Variants in LONP2 observed in about 807,000 individuals in gnomAD.
LONP2 encodes lon protease homolog 2, peroxisomal.
Under a neutral mutation model 85.6 loss-of-function variants are expected in LONP2, and 60 were observed. The observed-to-expected ratio is 0.70, with a 90% CI of 0.57 to 0.87. The LOEUF is 0.87. Ranked by LOEUF, LONP2 falls within the 40% of genes least tolerant of loss-of-function variation. The pLI, the probability that LONP2 is intolerant of heterozygous loss-of-function variation, is 0.00. For missense variants in LONP2, 860 were observed against 1,063.5 expected (o/e 0.81, Z 2.66); for synonymous variants, 395 against 389.7 (o/e 1.01, Z -0.16).
chr16:48,245,923 T>C (rs1276367226), intron 1 of LONP2, among the ~76,000 whole-genome samples: 1 of 152,146 alleles, frequency 6.6e-6, no homozygotes, highest in African/African-American at 2.4e-5. Context: ...GGAGGTGTTG[T>C]GTTTTCAGTT....
chr16:48,296,020 GGATCCT>G lies in LONP2; in HGVS notation c.1392_1397del (p.Asp464_Pro465del). On this transcript the variant is annotated inframe_deletion, in exon 9 of 15. Transcript: ENST00000285737. ...TGTTTTTTGTTCTCCCCTAGGTGTT[GGATCCT>G]GAACAAAACCATAACTTCACAGATC... 1 of 1,613,978 alleles carries G rather than the reference GGATCCT, an allele frequency of 6.2e-7. No individual in the cohort carries two copies. The highest frequency in any genetic ancestry group is 8.5e-7 in the Non-Finnish European group (1 of 1,179,974).
Position 48,259,761 on chromosome 16 carries a change from G to A in LONP2, c.723+1021G>A, listed in dbSNP as rs1971837645. On this transcript the variant is annotated intron_variant, in intron 4 of 14. Coordinates refer to ENST00000285737, the MANE Select transcript of LONP2 (RefSeq NM_031490.5). ...GATTAGTACTCCAGGACACCATGCT[G>A]TTTAAAACATGCAGAAAGCTGGATT... 2.0e-5 allele frequency among the ~76,000 whole-genome samples: 3 copies of A among 152,154 alleles called. No homozygotes were observed. In the South Asian group the frequency reaches 6.2e-4, roughly 32 times the overall value.
At chr16:48,312,206 G>A (rs1488790887) in intron 11 of LONP2, among the ~76,000 whole-genome samples, 2 of 152,148 alleles carry the variant, frequency 1.3e-5, no homozygotes, top group Non-Finnish European at 2.9e-5. Context: ...GCTTCCTAAA[G>A]TGCTAGGATT....
chr16:48,348,641 C>T (rs1002603322), intron 14 of LONP2, among the ~76,000 whole-genome samples: 3 of 151,896 alleles, frequency 2.0e-5, no homozygotes, highest in Non-Finnish European at 2.9e-5. Flanking sequence ...TATAGGAGCA[C>T]GCCACCATGC....
intron 11 of LONP2, among the ~76,000 whole-genome samples, chr16:48,320,715 C>A (rs746138094): frequency 6.6e-6 from 1 of 152,062 alleles, no homozygotes; most frequent in Non-Finnish European, 1.5e-5. Context: ...TTTTCTGAGT[C>A]TGACATTTAC....
At chr16:48,295,458 T>G (rs1972649309) in intron 8 of LONP2, among the ~76,000 whole-genome samples, 1 of 152,232 alleles carries the variant, frequency 6.6e-6, no homozygotes, top group Non-Finnish European at 1.5e-5. Flanking sequence ...TTTTTTGCTG[T>G]ATCAGAATAT....
intron 11 of LONP2, among the ~76,000 whole-genome samples, chr16:48,330,978 T>C (rs1959422293): frequency 6.6e-6 from 1 of 152,212 alleles, no homozygotes; most frequent in South Asian, 2.1e-4. Flanking sequence ...GGTTATGTAA[T>C]TGTGGGTTGG....
At chr16:48,258,253 A>C (rs979346236) in intron 3 of LONP2, among the ~76,000 whole-genome samples, 2 of 151,434 alleles carry the variant, frequency 1.3e-5, no homozygotes, top group Non-Finnish European at 2.9e-5. Flanking sequence ...AGGCTGAGGC[A>C]GGAGAATGAC....
chr16:48,252,894 G>A (rs892031771), intron 2 of LONP2, among the ~76,000 whole-genome samples: 1 of 152,000 alleles, frequency 6.6e-6, no homozygotes, highest in Non-Finnish European at 1.5e-5. Flanking sequence ...GTTCTTTTTG[G>A]TTAACTCTAG....
chr16:48,299,592 A>AG, intron 9 of LONP2, 70 bp from the exon 10 acceptor site: 1 of 1,541,142 alleles, frequency 6.5e-7, no homozygotes, highest in East Asian at 2.3e-5. Context: ...TAAAAAAAAA[A>AG]ACAAAAAACA....
At chr16:48,278,131 T>C (rs1187779845) in intron 8 of LONP2, among the ~76,000 whole-genome samples, 1 of 152,180 alleles carries the variant, frequency 6.6e-6, no homozygotes, top group Non-Finnish European at 1.5e-5. Context: ...CATGGTAAAC[T>C]GTGATCACTT....
chr16:48,346,137 C>A (rs1191404765), intron 12 of LONP2: 1 of 151,494 alleles, frequency 6.6e-6, no homozygotes, highest in African/African-American at 2.4e-5. Flanking sequence ...TCAGGAATTT[C>A]ATTGTCCAAG....
rs777782111 is a variant in LONP2 at position 48,357,334 on chromosome 16, G to C, written c.*5532G>C. On this transcript the variant is annotated 3_prime_UTR_variant, in exon 15 of 15. Transcript: ENST00000285737. ...TGGATGGTGCCATTTTTAGATAAAC[G>C]TACGTTTCTTTTGGTAAATTCAGGT... 2 of 152,168 alleles carry C rather than the reference G, an allele frequency of 1.3e-5. No homozygotes were observed. The highest frequency in any genetic ancestry group is 2.9e-5 in the Non-Finnish European group (2 of 68,040). 9.4% of individuals were successfully genotyped at this position (152,168 alleles called of 1,614,324 possible).
intron 7 of LONP2, among the ~76,000 whole-genome samples, chr16:48,272,521 A>T (rs753338901): frequency 6.6e-6 from 1 of 152,290 alleles, no homozygotes; most frequent in South Asian, 2.1e-4. Flanking sequence ...GTCTGAAGAA[A>T]ATAAGAATTG....
rs775228204 is a variant in LONP2, at chr16:48,252,363, C to G, written c.466C>G (p.Gln156Glu). The G allele has an allele frequency of 1.3e-6, 2 of 1,561,394 alleles. No individual in the cohort carries two copies. Among genetic ancestry groups the G allele is most frequent in the Non-Finnish European group, 1.7e-6 (2 of 1,153,246 alleles). ...AGAGCAGTTTTACAAATATGCAGTA[C>G]AAGTAAGTTGCTTTTATTTTTTCTT... is the stretch of plus-strand genomic sequence containing the variant. Reference protein sequence around the residue: ...LSEQFYKYAVQLVEMLDMSVP... With the variant: ...LSEQFYKYAVELVEMLDMSVP... The change falls in exon 2 of 15, where the codon CAA (glutamine) becomes GAA (glutamate). Residue 156 changes from glutamine to glutamate, a missense_variant and splice_region_variant. Coordinates refer to ENST00000285737, the MANE Select transcript of LONP2 (RefSeq NM_031490.5).
At chr16:48,302,756 A>G (rs1300895210) in intron 10 of LONP2, among the ~76,000 whole-genome samples, 3 of 152,234 alleles carry the variant, frequency 2.0e-5, no homozygotes, top group Non-Finnish European at 2.9e-5. Flanking sequence ...AAAGAGCACA[A>G]TTTCTCTTAT....
At chr16:48,259,034 GA>G (rs1971822115) in intron 4 of LONP2, among the ~76,000 whole-genome samples, 1 of 152,064 alleles carries the variant, frequency 6.6e-6, no homozygotes, top group Non-Finnish European at 1.5e-5. Flanking sequence ...GGGTGTCTTT[GA>G]GTATAACATT....
chr16:48,353,173 G>A lies in LONP2; in HGVS notation c.*1371G>A, dbSNP rs1373445057. On this transcript the variant is annotated 3_prime_UTR_variant, in exon 15 of 15. Transcript: ENST00000285737. ...CAGAATCTTTTATTACACAATATAA[G>A]AATATGTATGTAAAGACATTTTGGA... The A allele has an allele frequency of 6.6e-6, 1 of 152,078 alleles. No homozygotes were observed. The highest frequency in any genetic ancestry group is 1.5e-5 in the Non-Finnish European group (1 of 68,020). The allele number at this position is 152,078 out of a possible 1,614,324, so 9.4% of individuals were successfully genotyped here.
intron 7 of LONP2, among the ~76,000 whole-genome samples, chr16:48,271,299 T>C (rs1488273151): frequency 1.3e-5 from 2 of 152,244 alleles, no homozygotes; most frequent in African/African-American, 4.8e-5. Flanking sequence ...GGAAATTGCC[T>C]TGGGAAAGCA....
Sources: allele counts gnomAD v4.1 joint callset (sites outside exome capture counted in the v4.1 genomes callset), GRCh38; gene constraint gnomAD v4.1.1; transcripts MANE v1.5; gene names NCBI Gene and HGNC (gene_info 2026-07-23, HGNC 2026-07-21).